TMEM132D: variants seen among roughly 807,000 people sequenced by gnomAD.
TMEM132D encodes the protein transmembrane protein 132D.
Under a neutral mutation model 62.3 loss-of-function variants are expected in TMEM132D, and 21 were observed. The ratio of observed to expected loss-of-function variants is 0.34; its 90% CI spans 0.24 to 0.49. The LOEUF is 0.49. Ranked by LOEUF, TMEM132D falls within the 20% of genes least tolerant of loss-of-function variation. The pLI, the probability that TMEM132D is intolerant of heterozygous loss-of-function variation, is 0.99. For missense variants in TMEM132D, 1,346 were observed against 1,402.8 expected, an observed-to-expected ratio of 0.96 and a Z score of 0.65; for synonymous variants, 621 against 575.6, an observed-to-expected ratio of 1.08 and a Z score of -1.13.
At chr12:129,117,320 A>C (rs879282779) in intron 5 of TMEM132D, among the ~76,000 whole-genome samples, 1 of 152,146 alleles carries the variant, frequency 6.6e-6, no homozygotes, top group Non-Finnish European at 1.5e-5. Context: ...TTTCTAGGGC[A>C]GTGAAAATAT....
intron 1 of TMEM132D, among the ~76,000 whole-genome samples, chr12:129,754,213 T>C (rs1475791442): frequency 6.6e-6 from 1 of 152,196 alleles, no homozygotes; most frequent in Non-Finnish European, 1.5e-5. Flanking sequence ...CCAAGGCAAG[T>C]TGGACAGAGA....
chr12:129,528,519 T>C (rs1876123365), intron 3 of TMEM132D, among the ~76,000 whole-genome samples: 1 of 152,164 alleles, frequency 6.6e-6, no homozygotes, highest in African/African-American at 2.4e-5. Flanking sequence ...AGCTTCCCAG[T>C]TCTCTCCAGT....
At chr12:129,900,346 G>A (rs895183687) in intron 1 of TMEM132D, among the ~76,000 whole-genome samples, 1 of 152,122 alleles carries the variant, frequency 6.6e-6, no homozygotes, top group Non-Finnish European at 1.5e-5. Flanking sequence ...GAGGCCAGAA[G>A]CTCTACATAT....
intron 1 of TMEM132D, among the ~76,000 whole-genome samples, chr12:129,793,606 T>A (rs905521920): frequency 1.1e-4 from 16 of 152,232 alleles, no homozygotes; most frequent in African/African-American, 3.9e-4. Context: ...GCTCAAGTGA[T>A]CCACCCGCCT....
chr12:129,269,353 T>C (rs1464406591), intron 4 of TMEM132D, among the ~76,000 whole-genome samples: 1 of 152,060 alleles, frequency 6.6e-6, no homozygotes, highest in African/African-American at 2.4e-5. Context: ...TTCTGATACT[T>C]TTCCTCCCTC....
intron 5 of TMEM132D, among the ~76,000 whole-genome samples, chr12:129,157,567 A>T (rs1877282963): frequency 6.6e-6 from 1 of 152,252 alleles, no homozygotes; most frequent in African/African-American, 2.4e-5. Flanking sequence ...TGAAAATATG[A>T]TGTAAACACA....
At chr12:129,576,545 A>C (rs1877665929) in intron 2 of TMEM132D, among the ~76,000 whole-genome samples, 1 of 151,540 alleles carries the variant, frequency 6.6e-6, no homozygotes, top group Non-Finnish European at 1.5e-5. Context: ...TGTTTACATA[A>C]ATATATACAC....
intron 1 of TMEM132D, among the ~76,000 whole-genome samples, chr12:129,796,433 T>C (rs1871563321): frequency 6.6e-6 from 1 of 152,218 alleles, no homozygotes. Flanking sequence ...TCTTAATTTA[T>C]GTGTGTTTAA....
At chr12:129,302,776 G>A (rs1393262643) in intron 4 of TMEM132D, among the ~76,000 whole-genome samples, 1 of 152,206 alleles carries the variant, frequency 6.6e-6, no homozygotes, top group East Asian at 1.9e-4. Context: ...CTTGGCCAAA[G>A]CAATGCACAC....
chr12:129,722,391 C>T (rs1868871287), intron 1 of TMEM132D, among the ~76,000 whole-genome samples: 1 of 152,222 alleles, frequency 6.6e-6, no homozygotes, highest in African/African-American at 2.4e-5. Flanking sequence ...AAGCCCCCGT[C>T]ACATCGGTGT....
rs35157795 is a variant in TMEM132D at position 129,797,036 on chromosome 12, C to G, written c.80-96338G>C. Among the ~76,000 whole-genome samples the G allele has an allele frequency of 2.6e-5, 4 of 152,228 alleles. No individual in the cohort carries two copies. The East Asian group carries it at 5.8e-4, about 22-fold the overall frequency. On this transcript the variant is annotated intron_variant, in intron 1 of 8. Transcript: ENST00000422113. ...TGTTTTCTACAGGGACACTTTCTTT[C>G]CAAACTGTACCTCTTCTCAACGCTA...
At chr12:129,418,996 G>T (rs770139958) in intron 3 of TMEM132D, among the ~76,000 whole-genome samples, 16 of 152,150 alleles carry the variant, frequency 1.1e-4, no homozygotes, top group Non-Finnish European at 2.1e-4. Context: ...TGCAGGGAAG[G>T]AACCTCCCAA....
At chr12:129,818,490 G>T (rs1403014789) in intron 1 of TMEM132D, among the ~76,000 whole-genome samples, 1 of 149,684 alleles carries the variant, frequency 6.7e-6, no homozygotes, top group Admixed American at 6.7e-5. Context: ...GTGTGTGTGT[G>T]GTGTGTGTAT....
Position 129,250,438 on chromosome 12 carries a change from G to A in TMEM132D, c.1300-40775C>T, listed in dbSNP as rs577409112. ...CAGAGTAAAACAATTTATTATTCGTGTAAATTGCGTGGAGACCAGCACTCA... is the reference window on the plus strand; with the variant it reads ...CAGAGTAAAACAATTTATTATTCGTATAAATTGCGTGGAGACCAGCACTCA... On this transcript the variant is annotated intron_variant, in intron 4 of 8. Transcript: ENST00000422113. 5.3e-5 allele frequency among the ~76,000 whole-genome samples: 8 copies of A among 152,242 alleles called. No individual in the cohort carries two copies. In the East Asian group the frequency reaches 1.3e-3, roughly 26 times the overall value.
At chr12:129,104,714 C>T (rs1875430010) in intron 5 of TMEM132D, among the ~76,000 whole-genome samples, 1 of 151,380 alleles carries the variant, frequency 6.6e-6, no homozygotes, top group Admixed American at 6.6e-5. Flanking sequence ...CAAACAACCC[C>T]ATCAAAAAGT....
At chr12:129,618,058 G>T (rs1335802469) in intron 2 of TMEM132D, among the ~76,000 whole-genome samples, 2 of 152,188 alleles carry the variant, frequency 1.3e-5, no homozygotes, top group African/African-American at 4.8e-5. Flanking sequence ...CAGCTAGTGG[G>T]CAGTGTTATG....
At chr12:129,643,417 T>C (rs575634295) in intron 2 of TMEM132D, among the ~76,000 whole-genome samples, 5 of 152,224 alleles carry the variant, frequency 3.3e-5, no homozygotes, top group Non-Finnish European at 5.9e-5. Flanking sequence ...CCTATGTGCT[T>C]ACATATGTTC....
At chr12:129,710,575 G>A (rs1881616760) in intron 1 of TMEM132D, among the ~76,000 whole-genome samples, 1 of 152,034 alleles carries the variant, frequency 6.6e-6, no homozygotes, top group African/African-American at 2.4e-5. Context: ...GGGATTACAG[G>A]CATGAGCACC....
At position 129,335,779 on chromosome 12, in the gene TMEM132D, T is replaced by C. The variant is rs188850627; in HGVS notation, c.1299+1855A>G. ...TGAGCAATCTTTCATGCTAAAAAAG[T>C]AGGTTTCTCAGCCTTCCTTACAATT... On this transcript the variant is annotated intron_variant, in intron 4 of 8. Transcript: ENST00000422113. Among the ~76,000 whole-genome samples, 18 of 152,346 alleles carry C rather than the reference T, an allele frequency of 1.2e-4. No homozygotes were observed. The East Asian group carries it at 3.3e-3, about 28-fold the overall frequency.
Sources: allele counts gnomAD v4.1 joint callset (sites outside exome capture counted in the v4.1 genomes callset), GRCh38; gene constraint gnomAD v4.1.1; transcripts MANE v1.5; gene names NCBI Gene and HGNC (gene_info 2026-07-23, HGNC 2026-07-21).